Variants in ZC3H3 observed in about 807,000 individuals in gnomAD.
ZC3H3 encodes zinc finger CCCH domain-containing protein 3.
A neutral mutation model predicts 77.3 loss-of-function variants in ZC3H3; 36 were observed. The ratio of observed to expected loss-of-function variants is 0.47; its 90% CI spans 0.36 to 0.61. The LOEUF is 0.61. ZC3H3 is among the 20% of genes least tolerant of loss of function. ZC3H3 has a pLI of 0.00. For missense variants in ZC3H3, 1,331 were observed against 1,312.2 expected, an observed-to-expected ratio of 1.01 and a Z score of -0.22; for synonymous variants, 626 against 555.2, an observed-to-expected ratio of 1.13 and a Z score of -1.79.
At chr8:143,470,478 G>C (rs1229975558) in intron 5 of ZC3H3, among the ~76,000 whole-genome samples, 2 of 152,240 alleles carry the variant, frequency 1.3e-5, no homozygotes, top group African/African-American at 4.8e-5. Context: ...GTCCCCGGGT[G>C]GGCAGCAGGG....
At chr8:143,468,077 C>G in intron 8 of ZC3H3, 132 bp downstream of exon 8, 1 of 1,150,856 alleles carries the variant, frequency 8.7e-7, no homozygotes, top group Non-Finnish European at 1.2e-6. Flanking sequence ...ACAGCAGACT[C>G]TAAGGACGCC....
chr8:143,534,280 A>T (rs1271455626), intron 3 of ZC3H3, among the ~76,000 whole-genome samples: 1 of 56,350 alleles, frequency 1.8e-5, no homozygotes, highest in African/African-American at 5.8e-5. Context: ...TAAAAACATT[A>T]AAAAAAAAAA....
chr8:143,458,971 GAAAA>G (rs370505362), intron 9 of ZC3H3, among the ~76,000 whole-genome samples: 13 of 151,204 alleles, frequency 8.6e-5, no homozygotes, highest in African/African-American at 2.9e-4. Context: ...AAAAAAAAAA[GAAAA>G]AGAAAGAAAG....
chr8:143,481,934 G>A (rs1442271683), intron 4 of ZC3H3, among the ~76,000 whole-genome samples: 1 of 152,238 alleles, frequency 6.6e-6, no homozygotes, highest in African/African-American at 2.4e-5. Flanking sequence ...GCCCCAGGCC[G>A]GCACTGAGCC....
chr8:143,495,359 G>C (rs1003242835), intron 4 of ZC3H3, among the ~76,000 whole-genome samples: 1 of 152,170 alleles, frequency 6.6e-6, no homozygotes, highest in Non-Finnish European at 1.5e-5. Context: ...CTAATCCACA[G>C]TGAGACTTAG....
intron 8 of ZC3H3, 49 bp from the exon 9 acceptor site, chr8:143,465,897 G>T: frequency 6.3e-7 from 1 of 1,578,138 alleles, no homozygotes; most frequent in Non-Finnish European, 8.6e-7. Flanking sequence ...ACCCTCCAGG[G>T]CCCAGAGACG....
Position 143,538,998 on chromosome 8 carries a change from C to A in ZC3H3, c.369G>T (p.Val123=), listed in dbSNP as rs1266121258. ...TTGATGGCGGTTTAACTTTGATGAC[C>A]ACGTTCTGACCCTGACTGAGCTGGA... is the stretch of plus-strand genomic sequence containing the variant. ...RQVQLSQGQN[V]VIKVKPPSKS... is the part of the protein sequence containing the mutation. The change falls in exon 2 of 12, where the codon GTG becomes GTT. Residue 123 remains valine (V), a synonymous_variant. Transcript: ENST00000262577. The A allele has an allele frequency of 6.2e-7, 1 of 1,613,080 alleles. No individual in the cohort carries two copies. The highest frequency in any genetic ancestry group is 8.5e-7 in the Non-Finnish European group (1 of 1,180,034).
intron 3 of ZC3H3, among the ~76,000 whole-genome samples, chr8:143,510,038 G>A (rs184421263): frequency 3.7e-4 from 57 of 152,328 alleles, no homozygotes; most frequent in Admixed American, 3.5e-3. Context: ...GGGGCAGGCA[G>A]GGCCTGGCGG....
rs765556938 is a variant in ZC3H3 at position 143,538,654 on chromosome 8, C to T, written c.713G>A (p.Arg238His). The change falls in exon 2 of 12, where the codon CGC becomes CAC. Residue 238 changes from arginine (R) to histidine (H), a missense_variant. Around this residue, in one of 3 missense-constraint regions of ZC3H3, gnomAD observed 978 missense variants for 915.5 expected, o/e 1.07. Coordinates refer to ENST00000262577, the MANE Select transcript of ZC3H3 (RefSeq NM_015117.3). ...CTTCCGGCCCAGGGCCACGCCAGTG[C>T]GTGGGGGCAGAGCGGAGGATGGGAA... The part of the protein sequence containing the change: ...ASFPSSALPP[R>H]TGVALGRKLG... The T allele has an allele frequency of 1.7e-5, 27 of 1,608,396 alleles. No homozygotes were observed. In the East Asian group the frequency reaches 5.1e-4, roughly 31 times the overall value.
At chr8:143,539,830 C>T (rs1468398082) in intron 1 of ZC3H3, among the ~76,000 whole-genome samples, 2 of 152,364 alleles carry the variant, frequency 1.3e-5, no homozygotes, top group African/African-American at 2.4e-5. Context: ...GGAGCAGAGG[C>T]CATTGCTCTG....
chr8:143,449,207 T>G (rs755792560), intron 9 of ZC3H3, among the ~76,000 whole-genome samples: 2 of 152,222 alleles, frequency 1.3e-5, no homozygotes, highest in Non-Finnish European at 2.9e-5. Flanking sequence ...TTATTAGCAC[T>G]TGCCTTCCTT....
intron 4 of ZC3H3, among the ~76,000 whole-genome samples, chr8:143,483,110 G>A (rs1372701126): frequency 6.6e-6 from 1 of 152,266 alleles, no homozygotes; most frequent in Non-Finnish European, 1.5e-5. Flanking sequence ...TGGAGCCCGA[G>A]CGGGGAGTGC....
intron 3 of ZC3H3, among the ~76,000 whole-genome samples, chr8:143,517,245 A>G (rs540184046): frequency 2.6e-5 from 4 of 152,130 alleles, no homozygotes; most frequent in Admixed American, 2.0e-4. Context: ...TAGATTATGG[A>G]GAGTGGGGCT....
At chr8:143,473,244 C>T (rs918694231) in intron 5 of ZC3H3, among the ~76,000 whole-genome samples, 1 of 152,102 alleles carries the variant, frequency 6.6e-6, no homozygotes, top group Non-Finnish European at 1.5e-5. Flanking sequence ...TCCTGCGATG[C>T]CTCACGCCCC....
At chr8:143,454,049 A>C (rs1820052525) in intron 9 of ZC3H3, among the ~76,000 whole-genome samples, 1 of 151,604 alleles carries the variant, frequency 6.6e-6, no homozygotes. Context: ...TAAATGGAAA[A>C]TTCCAGAAAT....
chr8:143,465,656 T>G (rs1030494103), intron 9 of ZC3H3, 61 bp downstream of exon 9: 1 of 1,596,330 alleles, frequency 6.3e-7, no homozygotes, highest in African/African-American at 1.3e-5. Context: ...TACCCAGGAG[T>G]GAGCAGAGGA....
At position 143,475,289 on chromosome 8, in the gene ZC3H3, G is replaced by C. The variant is rs1190801636; in HGVS notation, c.1903+109C>G. 2.2e-6 allele frequency: 3 copies of C among 1,340,032 alleles called. No individual in the cohort carries two copies. The Admixed American group carries it at 7.9e-5, about 35-fold the overall frequency. The allele number at this position is 1,340,032 out of a possible 1,614,324, so 83.0% of individuals were successfully genotyped here. On this transcript the variant is annotated intron_variant, in intron 5 of 11. Transcript: ENST00000262577. ...TCCCCAAGACAGGGGCGTGAGCCAA[G>C]GCCCAGAGCAGCCACAGCATGTTGG... is the stretch of plus-strand genomic sequence containing the variant.
intron 3 of ZC3H3, among the ~76,000 whole-genome samples, chr8:143,513,049 C>T (rs982352968): frequency 6.7e-6 from 1 of 149,004 alleles, no homozygotes; most frequent in Non-Finnish European, 1.5e-5. Flanking sequence ...GGTGCCCAGG[C>T]GCTGTGGGGA....
intron 3 of ZC3H3, among the ~76,000 whole-genome samples, chr8:143,532,563 C>T (rs980502315): frequency 2.0e-5 from 3 of 152,260 alleles, no homozygotes; most frequent in African/African-American, 7.2e-5. Context: ...CCCCAGCATC[C>T]AGGAACGAAC....
Sources: gnomAD v4.1 joint callset for allele counts (sites outside exome capture counted in the v4.1 genomes callset) on GRCh38, gnomAD v4.1.1 for gene constraint, gnomAD v4.1.1 regional missense constraint, MANE v1.5 for transcripts, NCBI Gene and HGNC (gene_info 2026-07-23, HGNC 2026-07-21) for gene names.